DNAH7: variants seen among roughly 807,000 people sequenced by gnomAD.
DNAH7 encodes dynein axonemal heavy chain 7, also known as axonemal beta dynein heavy chain 7.
In DNAH7, 397 loss-of-function variants were observed where a neutral mutation model predicts 444.6. The ratio of observed to expected loss-of-function variants is 0.89; its 90% CI spans 0.82 to 0.97. The LOEUF (loss-of-function observed/expected upper bound fraction) is 0.97, where lower values mean the gene tolerates loss of function less well. DNAH7 is among the 50% of genes least tolerant of loss of function. The pLI is 0.00. For missense variants in DNAH7, 4,902 were observed against 4,800.8 expected (o/e 1.02, Z -0.62); for synonymous variants, 1,636 against 1,624.4 (o/e 1.01, Z -0.17).
intron 1 of DNAH7, 133 bp from the exon 2 acceptor site, chr2:196,058,249 C>T: frequency 1.8e-6 from 1 of 542,504 alleles, no homozygotes; most frequent in East Asian, 3.0e-5. Flanking sequence ...GTACAAATGG[C>T]ATGATCTTAT....
At chr2:195,928,009 G>T (rs2125377737) in intron 21 of DNAH7, among the ~76,000 whole-genome samples, 1 of 152,116 alleles carries the variant, frequency 6.6e-6, no homozygotes, top group African/African-American at 2.4e-5. Context: ...TGTTACATGG[G>T]CATATTGCAC....
rs188317645 is a variant in DNAH7 at position 195,984,598 on chromosome 2, A to G, written c.1833+34T>C. On this transcript the variant is annotated intron_variant, in intron 15 of 64. Coordinates refer to ENST00000312428, the MANE Select transcript of DNAH7 (RefSeq NM_018897.3). ...ATTATTGTGTCAATAATTAATTGAT[A>G]CACACACAATTATGGAGAAGCTATA... 4.7e-5 allele frequency: 73 copies of G among 1,557,886 alleles called. No homozygotes were observed. In the East Asian group the frequency reaches 9.7e-4, roughly 21 times the overall value.
chr2:196,048,562 T>C (rs1697273147), intron 3 of DNAH7, among the ~76,000 whole-genome samples, 158 bp from the exon 4 acceptor site: 1 of 152,214 alleles, frequency 6.6e-6, no homozygotes, highest in Admixed American at 6.5e-5. Context: ...AGCCTGTGAA[T>C]GGTCATGGTG....
Position 195,960,242 on chromosome 2 carries a change from A to G in DNAH7, c.2891+18T>C. The G allele has an allele frequency of 6.4e-7, 1 of 1,570,976 alleles. No individual in the cohort carries two copies. The highest frequency in any genetic ancestry group is 8.6e-7 in the Non-Finnish European group (1 of 1,159,068). On this transcript the variant is annotated intron_variant, in intron 18 of 64. Transcript: ENST00000312428. Reference sequence around the variant, plus strand: ...TTGGTAACATAGCATAAACATTGCCATATAAATATCACTTTACCTCATTTG... The same window carrying G: ...TTGGTAACATAGCATAAACATTGCCGTATAAATATCACTTTACCTCATTTG...
intron 28 of DNAH7, among the ~76,000 whole-genome samples, chr2:195,898,424 T>C (rs1178462249): frequency 6.6e-6 from 1 of 152,240 alleles, no homozygotes; most frequent in Non-Finnish European, 1.5e-5. Flanking sequence ...CAACATCTTA[T>C]TCAAAGTCAA....
rs1700850512 is a variant in DNAH7 at position 195,873,643 on chromosome 2, A to G, written c.6338T>C (p.Ile2113Thr). 6.5e-7 allele frequency: 1 copy of G among 1,534,210 alleles called. No individual in the cohort carries two copies. Among genetic ancestry groups the G allele is most frequent in the Non-Finnish European group, 8.7e-7 (1 of 1,145,808 alleles). ...TPRYMRHFNI[I>T]TINEFSDKSM... ...TTTATCACTAAACTCATTGATTGTT[A>G]TAATATTGAAATGTCGCATGTATCG... Residue 2113 changes from isoleucine to threonine, a missense_variant, in exon 39 of 65, where the codon ATA (isoleucine) becomes ACA (threonine). Coordinates refer to ENST00000312428, the MANE Select transcript of DNAH7 (RefSeq NM_018897.3).
At chr2:196,033,790 C>T (rs777289006) in intron 5 of DNAH7, among the ~76,000 whole-genome samples, 1 of 152,136 alleles carries the variant, frequency 6.6e-6, no homozygotes, top group Non-Finnish European at 1.5e-5. Flanking sequence ...AATTTCAAAT[C>T]TTTTGGGTGA....
rs367933339 is a variant in DNAH7 at position 195,905,571 on chromosome 2, A to G, written c.4335+1088T>C. ...TGTGGAAGTAATATAGGATCTAGTC[A>G]GGAGATTTGGTTTTGGATCCACAAT... On this transcript the variant is annotated intron_variant, in intron 27 of 64. Coordinates refer to ENST00000312428, the MANE Select transcript of DNAH7 (RefSeq NM_018897.3). 4 of 152,284 alleles carry G rather than the reference A, an allele frequency of 2.6e-5. No homozygotes were observed. In the East Asian group the frequency reaches 7.7e-4, roughly 29 times the overall value. 9.4% of individuals were successfully genotyped at this position (152,284 alleles called of 1,614,324 possible).
intron 32 of DNAH7, 100 bp from the exon 33 acceptor site, chr2:195,888,534 C>CG (rs897931279): frequency 1.7e-6 from 2 of 1,208,848 alleles, no homozygotes; most frequent in South Asian, 3.2e-5. Flanking sequence ...AAGTCTTGGG[C>CG]GGGGGGAAGC....
At chr2:195,939,789 G>A (rs529455827) in intron 19 of DNAH7, among the ~76,000 whole-genome samples, 9 of 152,128 alleles carry the variant, frequency 5.9e-5, no homozygotes, top group African/African-American at 1.7e-4. Flanking sequence ...CCGAAACATT[G>A]AGTATATAGA....
chr2:196,027,974 C>G lies in DNAH7; in HGVS notation c.472G>C (p.Glu158Gln), dbSNP rs770564417. The change falls in exon 6 of 65, where the codon GAG becomes CAG. Residue 158 changes from glutamate to glutamine, a missense_variant. Glu to Gln is a conservative substitution (Grantham distance 29). Coordinates refer to ENST00000312428, the MANE Select transcript of DNAH7 (RefSeq NM_018897.3). ...TGGCCAGTTACCAAGATGTCTTTCTCTATAGCAGAAGCGGTCGGTTTTGGA... is the reference window on the plus strand; with the variant it reads ...TGGCCAGTTACCAAGATGTCTTTCTGTATAGCAGAAGCGGTCGGTTTTGGA... Reference protein sequence around the residue: ...TIPKPTASAIEKDILRYYYYI... With the variant: ...TIPKPTASAIQKDILRYYYYI... 2.5e-6 allele frequency: 4 copies of G among 1,612,316 alleles called. No individual in the cohort carries two copies. In the South Asian group the frequency reaches 3.3e-5, roughly 13 times the overall value.
intron 5 of DNAH7, among the ~76,000 whole-genome samples, chr2:196,030,752 T>G (rs1696000412): frequency 1.3e-5 from 2 of 152,236 alleles, no homozygotes; most frequent in Admixed American, 1.3e-4. Context: ...CTCCTTTGAC[T>G]CCAGGTCTCA....
intron 24 of DNAH7, among the ~76,000 whole-genome samples, chr2:195,913,259 T>A (rs777300357): frequency 6.6e-6 from 1 of 152,150 alleles, no homozygotes; most frequent in Non-Finnish European, 1.5e-5. Context: ...GTTAAAGTAG[T>A]TAAAGACATT....
intron 58 of DNAH7, among the ~76,000 whole-genome samples, chr2:195,780,529 A>G (rs1275995810): frequency 6.6e-6 from 1 of 152,110 alleles, no homozygotes; most frequent in Non-Finnish European, 1.5e-5. Flanking sequence ...CAGGTAGATC[A>G]CTGGAGGTCA....
chr2:195,886,539 C>T (rs1701721813), intron 33 of DNAH7, among the ~76,000 whole-genome samples: 1 of 152,042 alleles, frequency 6.6e-6, no homozygotes, highest in African/African-American at 2.4e-5. Context: ...GATATGGATT[C>T]CATGGTATAC....
chr2:195,970,992 G>A (rs1691801097), intron 16 of DNAH7, among the ~76,000 whole-genome samples: 1 of 152,008 alleles, frequency 6.6e-6, no homozygotes, highest in Admixed American at 6.5e-5. Flanking sequence ...TTTTCCAAGA[G>A]CCTATTTTAC....
intron 15 of DNAH7, among the ~76,000 whole-genome samples, chr2:195,978,087 GAA>G (rs1692320183): frequency 6.6e-6 from 1 of 151,920 alleles, no homozygotes; most frequent in Non-Finnish European, 1.5e-5. Flanking sequence ...TAAATAAACA[GAA>G]AAACACAGAC....
intron 18 of DNAH7, among the ~76,000 whole-genome samples, chr2:195,959,818 T>G (rs558871282): frequency 6.6e-6 from 1 of 152,320 alleles, no homozygotes; most frequent in African/African-American, 2.4e-5. Flanking sequence ...TGAGTAGAAA[T>G]TACAATAGAT....
intron 15 of DNAH7, among the ~76,000 whole-genome samples, chr2:195,975,879 A>G (rs944834188): frequency 1.3e-5 from 2 of 152,176 alleles, no homozygotes; most frequent in Non-Finnish European, 2.9e-5. Flanking sequence ...TGCTGACTAA[A>G]GAGCCCTTGG....
Sources: allele counts gnomAD v4.1 joint callset (sites outside exome capture counted in the v4.1 genomes callset), GRCh38; gene constraint gnomAD v4.1.1; transcripts MANE v1.5; gene names NCBI Gene and HGNC (gene_info 2026-07-23, HGNC 2026-07-21).